Variants in DPP6 observed in about 807,000 individuals in gnomAD.
DPP6 encodes A-type potassium channel modulatory protein DPP6.
In DPP6, 69 loss-of-function variants were observed where a neutral mutation model predicts 122.6. That is an observed-to-expected ratio of 0.56 (90% CI 0.46 to 0.69). The LOEUF is 0.69. DPP6 is among the 30% of genes least tolerant of loss of function. The pLI, the probability that DPP6 is intolerant of heterozygous loss-of-function variation, is 0.00. For synonymous variants in DPP6, 418 were observed against 433.1 expected, an observed-to-expected ratio of 0.97 and a Z score of 0.43; for missense variants, 928 against 1,116.9, an observed-to-expected ratio of 0.83 and a Z score of 2.41.
In DPP6 at chr7:154,207,721, A is replaced by G. The variant is rs538833667; in HGVS notation, c.243+154658A>G. ...ATATCTGGAAGAGATCTTCCAATAC[A>G]TACTATCTTTTTATAAATGAAGAAG... On this transcript the variant is annotated intron_variant, in intron 1 of 25. Transcript: ENST00000377770. Among the ~76,000 whole-genome samples the G allele has an allele frequency of 7.9e-5, 12 of 152,366 alleles. No individual in the cohort carries two copies. The South Asian group carries it at 8.3e-4, about 11-fold the overall frequency.
chr7:154,251,239 A>C (rs1302600157), intron 1 of DPP6, among the ~76,000 whole-genome samples: 2 of 152,190 alleles, frequency 1.3e-5, no homozygotes, highest in Non-Finnish European at 2.9e-5. Flanking sequence ...AGGATGTTTC[A>C]CGGGAGCTAC....
At chr7:154,892,003 T>A (rs1334874580) in intron 25 of DPP6, among the ~76,000 whole-genome samples, 6 of 152,096 alleles carry the variant, frequency 3.9e-5, no homozygotes, top group Non-Finnish European at 7.4e-5. Flanking sequence ...AGCTTCCCAA[T>A]GTTTTCACCC....
intron 1 of DPP6, among the ~76,000 whole-genome samples, chr7:153,944,895 G>A (rs1403364177): frequency 6.6e-6 from 1 of 152,074 alleles, no homozygotes; most frequent in East Asian, 1.9e-4. Flanking sequence ...TACTCAGGAT[G>A]AGGCTGCAGA....
intron 5 of DPP6, among the ~76,000 whole-genome samples, chr7:154,615,902 C>T (rs1281386139): frequency 6.6e-6 from 1 of 152,246 alleles, no homozygotes; most frequent in Non-Finnish European, 1.5e-5. Flanking sequence ...TCCCACTCTT[C>T]CCAGCCCTGG....
chr7:153,894,148 A>T (rs968817494), intron 1 of DPP6, among the ~76,000 whole-genome samples: 2 of 151,866 alleles, frequency 1.3e-5, no homozygotes, highest in African/African-American at 4.8e-5. Context: ...CTGCCCTGTG[A>T]CCCTTGGTTT....
At chr7:154,701,964 C>A (rs1840555668) in intron 7 of DPP6, among the ~76,000 whole-genome samples, 1 of 152,192 alleles carries the variant, frequency 6.6e-6, no homozygotes, top group Non-Finnish European at 1.5e-5. Flanking sequence ...TTGTAGCAAC[C>A]CTGCTTTGAG....
rs34506058 is a variant in DPP6 at position 154,297,063 on chromosome 7, G to GTTT, written c.244-149140_244-149138dup. ...CTAGGTTGATTGTGAAATGTATTCT[G>GTTT]TTTTTTTTTTTTTGTTTTGTTTTTC... is the stretch of plus-strand genomic sequence containing the variant. On this transcript the variant is annotated intron_variant, in intron 1 of 25. Coordinates refer to ENST00000377770, the MANE Select transcript of DPP6 (RefSeq NM_130797.4). Among the ~76,000 whole-genome samples the GTTT allele has an allele frequency of 3.8e-3, 476 of 125,116 alleles. 4 individuals are homozygous for GTTT. Among genetic ancestry groups the GTTT allele is most frequent in the Non-Finnish European group, 6.0e-3 (372 of 62,510 alleles). 82.1% of individuals were successfully genotyped at this position (125,116 alleles called of 152,430 possible). A position where few individuals can be genotyped will look rare whatever the true frequency, so the allele number is the denominator to read the frequency against.
intron 3 of DPP6, among the ~76,000 whole-genome samples, chr7:154,538,514 G>T (rs1367623128): frequency 1.3e-5 from 2 of 152,196 alleles, no homozygotes; most frequent in East Asian, 3.9e-4. Flanking sequence ...TAATGTGGGG[G>T]CGGGGTAGAA....
chr7:154,828,738 A>C (rs780824961), intron 16 of DPP6, among the ~76,000 whole-genome samples: 1 of 152,224 alleles, frequency 6.6e-6, no homozygotes, highest in Non-Finnish European at 1.5e-5. Context: ...GCTCTGACCC[A>C]TGCAGATGTC....
At chr7:154,484,277 C>T (rs1462220417) in intron 3 of DPP6, among the ~76,000 whole-genome samples, 2 of 152,228 alleles carry the variant, frequency 1.3e-5, no homozygotes, top group Non-Finnish European at 1.5e-5. Context: ...TCTCCTCTGT[C>T]TTAACAGAAT....
At chr7:153,983,034 C>T (rs1258301881) in intron 1 of DPP6, among the ~76,000 whole-genome samples, 2 of 152,224 alleles carry the variant, frequency 1.3e-5, no homozygotes, top group African/African-American at 4.8e-5. Flanking sequence ...GAGGGACCCA[C>T]TTGATGAGGC....
intron 5 of DPP6, among the ~76,000 whole-genome samples, chr7:154,595,925 G>T (rs1296101481): frequency 1.3e-5 from 2 of 152,208 alleles, no homozygotes; most frequent in East Asian, 3.9e-4. Context: ...GCCAGGCATG[G>T]TGGCAGGCAC....
chr7:154,773,049 T>C (rs1563194069), intron 10 of DPP6, 107 bp downstream of exon 10: 2 of 1,334,830 alleles, frequency 1.5e-6, no homozygotes, highest in South Asian at 2.0e-5. Flanking sequence ...AGTTTAAACA[T>C]CCAAGAAAAA....
At position 154,355,295 on chromosome 7, in the gene DPP6, C is replaced by T. The variant is rs145952814; in HGVS notation, c.244-90919C>T. ...CTAGGTATGAGACCTTCATCAGATA[C>T]ATTATTGCAAATATCCTTTCTCTGT... On this transcript the variant is annotated intron_variant, in intron 1 of 25. Transcript: ENST00000377770. Among the ~76,000 whole-genome samples the T allele has an allele frequency of 1.7e-3, 261 of 152,302 alleles. 1 individual carries two copies. The highest frequency in any genetic ancestry group is 3.3e-3 in the East Asian group (17 of 5,188).
chr7:154,316,507 G>A (rs1455099054), intron 1 of DPP6, among the ~76,000 whole-genome samples: 3 of 152,220 alleles, frequency 2.0e-5, no homozygotes, highest in Non-Finnish European at 2.9e-5. Flanking sequence ...AAGTGGAAAA[G>A]TAAGTTCTAA....
chr7:154,307,108 A>G (rs539746343), intron 1 of DPP6, among the ~76,000 whole-genome samples: 14 of 152,260 alleles, frequency 9.2e-5, no homozygotes, highest in Admixed American at 9.2e-4. Context: ...CGATACACCC[A>G]AGGATTGGGA....
intron 5 of DPP6, among the ~76,000 whole-genome samples, chr7:154,593,928 G>A (rs1326097598): frequency 6.6e-6 from 1 of 152,192 alleles, no homozygotes. Flanking sequence ...CAATTTAATA[G>A]TTAATAACAT....
At chr7:153,964,154 C>T (rs749018967) in intron 1 of DPP6, among the ~76,000 whole-genome samples, 1 of 152,086 alleles carries the variant, frequency 6.6e-6, no homozygotes, top group Non-Finnish European at 1.5e-5. Flanking sequence ...CCCCACCACG[C>T]CTGGCCAATT....
At chr7:154,547,710 G>T (rs907465654) in intron 4 of DPP6, among the ~76,000 whole-genome samples, 1 of 151,974 alleles carries the variant, frequency 6.6e-6, no homozygotes, top group Non-Finnish European at 1.5e-5. Context: ...GATCCTCTTT[G>T]TCCCCCTATG....
Sources: allele counts gnomAD v4.1 joint callset (sites outside exome capture counted in the v4.1 genomes callset), GRCh38; gene constraint gnomAD v4.1.1; transcripts MANE v1.5; gene names NCBI Gene and HGNC (gene_info 2026-07-23, HGNC 2026-07-21).